The following TECRL variants were observed in gnomAD, a reference collection of about 807,000 sequenced individuals.
TECRL encodes trans-2,3-enoyl-CoA reductase like.
TECRL carries 63 observed loss-of-function variants against 52.8 expected under a neutral mutation model. The observed-to-expected ratio is 1.19, with a 90% confidence interval of 0.97 to 1.47. TECRL has a LOEUF of 1.47. Among genes scored for constraint, TECRL ranks in the 40% most tolerant of loss-of-function variants. TECRL has a pLI of 0.00. For synonymous variants in TECRL, 164 were observed against 141.9 expected, an observed-to-expected ratio of 1.16 and a Z score of -1.10; for missense variants, 482 against 429.6, an observed-to-expected ratio of 1.12 and a Z score of -1.08.
At chr4:64,356,382 T>TG (rs1044758808) in intron 2 of TECRL, among the ~76,000 whole-genome samples, 3 of 152,112 alleles carry the variant, frequency 2.0e-5, no homozygotes, top group African/African-American at 7.2e-5. Flanking sequence ...TGCCTGCCCC[T>TG]GGGAACTGAA....
At chr4:64,403,475 GCACACACACACACACA>G (rs148711260) in intron 1 of TECRL, among the ~76,000 whole-genome samples, 1 of 148,236 alleles carries the variant, frequency 6.7e-6, no homozygotes, top group Non-Finnish European at 1.5e-5. Context: ...CTCCCTGAGC[GCACACACACACACACA>G]CACACACACA....
intron 7 of TECRL, among the ~76,000 whole-genome samples, chr4:64,304,082 T>C (rs1462610865): frequency 2.0e-5 from 3 of 151,884 alleles, no homozygotes; most frequent in Non-Finnish European, 3.0e-5. Context: ...ATAAATGTTT[T>C]ACATATATTA....
At chr4:64,314,173 T>TAAAATA (rs1159188032) in intron 5 of TECRL, among the ~76,000 whole-genome samples, 1 of 151,324 alleles carries the variant, frequency 6.6e-6, no homozygotes, top group African/African-American at 2.4e-5. Flanking sequence ...AATAATAAAA[T>TAAAATA]AAAATAAAAA....
intron 7 of TECRL, chr4:64,304,780 G>T (rs1724229770): frequency 6.6e-6 from 1 of 152,530 alleles, no homozygotes; most frequent in South Asian, 2.1e-4. Flanking sequence ...AGAAAAATTG[G>T]CCCTATTTTT....
chr4:64,402,142 A>G (rs1373979473), intron 1 of TECRL, among the ~76,000 whole-genome samples: 2 of 152,104 alleles, frequency 1.3e-5, no homozygotes, highest in African/African-American at 2.4e-5. Context: ...CTTTTTTCTG[A>G]ACCCAAGATA....
At chr4:64,330,616 A>AAT (rs1359942695) in intron 2 of TECRL, among the ~76,000 whole-genome samples, 1 of 152,134 alleles carries the variant, frequency 6.6e-6, no homozygotes, top group African/African-American at 2.4e-5. Flanking sequence ...TAGCCTGGGC[A>AAT]ATATAATGAG....
At chr4:64,355,469 A>G (rs950183180) in intron 2 of TECRL, among the ~76,000 whole-genome samples, 1 of 152,150 alleles carries the variant, frequency 6.6e-6, no homozygotes, top group African/African-American at 2.4e-5. Flanking sequence ...TCAAGAGATT[A>G]TGTAAAAGGG....
chr4:64,395,802 G>GT (rs538849714), intron 1 of TECRL, among the ~76,000 whole-genome samples: 418 of 152,182 alleles, frequency 2.7e-3, no homozygotes, highest in African/African-American at 9.4e-3. Flanking sequence ...CCAATAGTGA[G>GT]TTTCTTATTC....
In TECRL at chr4:64,324,058, A is replaced by G. The variant is rs142560533; in HGVS notation, c.332-1266T>C. On this transcript the variant is annotated intron_variant, in intron 3 of 11. Coordinates refer to ENST00000381210, the MANE Select transcript of TECRL (RefSeq NM_001010874.5). ...GGAATGAAAACACACTAAGGTTTCC[A>G]GTATTACAGACTTTAGACATAGTAA... Among the ~76,000 whole-genome samples, 72 of 152,282 alleles carry G rather than the reference A, an allele frequency of 4.7e-4. No homozygotes were observed. The East Asian group carries it at 0.013, about 27-fold the overall frequency.
At chr4:64,374,511 T>C (rs1722241487) in intron 2 of TECRL, among the ~76,000 whole-genome samples, 3 of 152,046 alleles carry the variant, frequency 2.0e-5, no homozygotes. Context: ...GCTGCACCCA[T>C]TAACCCGTCA....
chr4:64,338,947 G>A (rs533818311), intron 2 of TECRL, among the ~76,000 whole-genome samples: 1 of 152,184 alleles, frequency 6.6e-6, no homozygotes, highest in South Asian at 2.1e-4. Context: ...ATACCCAAAG[G>A]AATATAAATC....
intron 1 of TECRL, among the ~76,000 whole-genome samples, chr4:64,402,913 T>G (rs1166989358): frequency 1.3e-5 from 2 of 152,138 alleles, no homozygotes; most frequent in East Asian, 3.9e-4. Flanking sequence ...CCTAAATCAC[T>G]CTGCCTAAAG....
chr4:64,313,385 A>G (rs912838038), intron 5 of TECRL, among the ~76,000 whole-genome samples: 1 of 150,012 alleles, frequency 6.7e-6, no homozygotes, highest in African/African-American at 2.5e-5. Flanking sequence ...TTTGGCATAT[A>G]TTTCTTACAG....
chr4:64,317,128 A>G (rs1273695034), intron 4 of TECRL, among the ~76,000 whole-genome samples: 1 of 152,066 alleles, frequency 6.6e-6, no homozygotes, highest in Non-Finnish European at 1.5e-5. Context: ...AATATAAAAA[A>G]TTAGCCGGGC....
chr4:64,280,349 A>G (rs1194934511), intron 11 of TECRL, 150 bp from the exon 12 acceptor site: 1 of 558,702 alleles, frequency 1.8e-6, no homozygotes, highest in East Asian at 3.8e-5. Context: ...CCCATTCCCA[A>G]GCAATAGCCA....
At chr4:64,282,272 G>T (rs1722866710) in intron 9 of TECRL, among the ~76,000 whole-genome samples, 1 of 151,872 alleles carries the variant, frequency 6.6e-6, no homozygotes, top group African/African-American at 2.4e-5. Context: ...ACTTGGAGCT[G>T]TGACATTTGT....
At chr4:64,356,817 C>T (rs1187290279) in intron 2 of TECRL, among the ~76,000 whole-genome samples, 2 of 152,084 alleles carry the variant, frequency 1.3e-5, no homozygotes, top group African/African-American at 4.8e-5. Context: ...CTCAGTCTCT[C>T]ATCCCACCTG....
rs79775896 is a variant in TECRL, at chr4:64,322,174, C to G, written c.435+515G>C. ...AAGAACTGAAATTCATCAGATCACCCCACCAGATGCCTCCTTGTCCCTCCC... is the reference window on the plus strand; with the variant it reads ...AAGAACTGAAATTCATCAGATCACCGCACCAGATGCCTCCTTGTCCCTCCC... On this transcript the variant is annotated intron_variant, in intron 4 of 11. Transcript: ENST00000381210. 8.8e-3 allele frequency among the ~76,000 whole-genome samples: 1,346 copies of G among 152,194 alleles called. 17 individuals carry two copies. Among genetic ancestry groups the G allele is most frequent in the African/African-American group, 0.031 (1,280 of 41,512 alleles).
intron 8 of TECRL, among the ~76,000 whole-genome samples, chr4:64,291,569 G>A (rs529598655): frequency 1.8e-4 from 28 of 151,882 alleles, no homozygotes; most frequent in African/African-American, 6.5e-4. Context: ...CTGATGAAAC[G>A]TATTTGTTTT....
Sources: allele counts gnomAD v4.1 joint callset (sites outside exome capture counted in the v4.1 genomes callset), GRCh38; gene constraint gnomAD v4.1.1; transcripts MANE v1.5; gene names NCBI Gene and HGNC (gene_info 2026-07-23, HGNC 2026-07-21).